Variants in CLTC observed in about 807,000 individuals in gnomAD.
CLTC encodes clathrin heavy chain.
In CLTC, 16 loss-of-function variants were observed where a neutral mutation model predicts 195.8. The ratio of observed to expected loss-of-function variants is 0.08; its 90% CI spans 0.06 to 0.12. CLTC has a LOEUF of 0.12. Among genes scored for constraint, CLTC ranks in the 10% least tolerant of loss-of-function variants. The pLI is 1.00. For synonymous variants in CLTC, 667 were observed against 689.4 expected, an observed-to-expected ratio of 0.97 and a Z score of 0.51; for missense variants, 796 against 2,027.0, an observed-to-expected ratio of 0.39 and a Z score of 11.66.
At chr17:59,645,954 C>A in intron 2 of CLTC, 1 of 636,852 alleles carries the variant, frequency 1.6e-6, no homozygotes, top group Non-Finnish European at 2.0e-6. Context: ...TGCCAAAATT[C>A]TTTTCTATTT....
intron 5 of CLTC, among the ~76,000 whole-genome samples, chr17:59,653,081 C>T (rs1296227488): frequency 6.6e-6 from 1 of 152,140 alleles, no homozygotes; most frequent in African/African-American, 2.4e-5. Flanking sequence ...TGAGCCTTCA[C>T]AGAATTGAGG....
In CLTC at chr17:59,666,939, C is replaced by T; in HGVS notation, c.2090C>T (p.Ser697Phe). 1 of 1,613,388 alleles carries T rather than the reference C, an allele frequency of 6.2e-7. No homozygotes were observed. Among genetic ancestry groups the T allele is most frequent in the African/African-American group, 1.3e-5 (1 of 74,946 alleles). The change falls in exon 13 of 32, where the codon TCT (serine) becomes TTT (phenylalanine). Residue 697 changes from serine to phenylalanine, a missense_variant. Physicochemically the swap from Ser to Phe is radical, Grantham distance 155. Coordinates refer to ENST00000269122, the MANE Select transcript of CLTC (RefSeq NM_004859.4). The surrounding 1 kb of genome is among the most constrained non-coding windows in gnomAD (Gnocchi z 4.9). ...TATCATGAACAACTGTCAACTCAGT[C>T]TCTGATTGAACTTTTTGAATCTTTC... Reference protein sequence around the residue: ...SKYHEQLSTQSLIELFESFKS... With the variant: ...SKYHEQLSTQFLIELFESFKS...
intron 1 of CLTC, among the ~76,000 whole-genome samples, chr17:59,629,008 TAAA>T (rs970988767): frequency 6.6e-6 from 1 of 151,822 alleles, no homozygotes; most frequent in Non-Finnish European, 1.5e-5. Flanking sequence ...AAAGGTGGCT[TAAA>T]AAAAACCACC....
At chr17:59,659,747 C>G (rs1330377355) in intron 6 of CLTC, among the ~76,000 whole-genome samples, 1 of 152,056 alleles carries the variant, frequency 6.6e-6, no homozygotes, top group Admixed American at 6.6e-5. Flanking sequence ...TGCACCCGGC[C>G]TATTTTTTCA....
intron 2 of CLTC, among the ~76,000 whole-genome samples, chr17:59,644,987 T>G (rs2032152059): frequency 6.6e-6 from 1 of 152,266 alleles, no homozygotes; most frequent in Non-Finnish European, 1.5e-5. Flanking sequence ...TTACTTGGAA[T>G]GTATCTGTGG....
rs368644963 is a variant in CLTC, at chr17:59,666,667, A to C, written c.1947+23A>C. ...GAGGTATTTCAGTTTCTTACCTAATAGATGGTGTTAGTTGTGATTAATAGG... is the reference window on the plus strand; with the variant it reads ...GAGGTATTTCAGTTTCTTACCTAATCGATGGTGTTAGTTGTGATTAATAGG... On this transcript the variant is annotated intron_variant, in intron 12 of 31. Coordinates refer to ENST00000269122, the MANE Select transcript of CLTC (RefSeq NM_004859.4). This position sits in a 1 kb window ranked among gnomAD's most constrained non-coding sequence, Gnocchi z 4.9. The C allele has an allele frequency of 7.5e-5, 120 of 1,601,166 alleles. No individual in the cohort carries two copies. The highest frequency in any genetic ancestry group is 1.4e-4 in the South Asian group (13 of 90,008).
chr17:59,664,408 C>A (rs1307979974), intron 9 of CLTC, among the ~76,000 whole-genome samples: 1 of 151,820 alleles, frequency 6.6e-6, no homozygotes, highest in Non-Finnish European at 1.5e-5. Flanking sequence ...AAAAAAGTAG[C>A]CAGGCGTGGT....
intron 1 of CLTC, among the ~76,000 whole-genome samples, chr17:59,623,358 G>A (rs1418306560): frequency 4.6e-5 from 7 of 152,096 alleles, no homozygotes; most frequent in African/African-American, 1.7e-4. Flanking sequence ...CAGTCTCCTG[G>A]GAATAGCTTC....
intron 1 of CLTC, among the ~76,000 whole-genome samples, chr17:59,635,702 C>T (rs2031840174): frequency 6.6e-6 from 1 of 152,164 alleles, no homozygotes; most frequent in South Asian, 2.1e-4. Flanking sequence ...ATTAATAGGA[C>T]CATGGCCTCT....
chr17:59,654,075 G>A (rs1033707327), intron 5 of CLTC, among the ~76,000 whole-genome samples: 1 of 151,928 alleles, frequency 6.6e-6, no homozygotes, highest in Non-Finnish European at 1.5e-5. Context: ...GCCCAGCCCA[G>A]GCTGGTCTTA....
rs141382345 is a variant in CLTC, at chr17:59,634,966, G to A, written c.43-9310G>A. Among the ~76,000 whole-genome samples the A allele has an allele frequency of 2.6e-3, 402 of 152,294 alleles. 6 individuals are homozygous for A. The highest frequency in any genetic ancestry group is 9.3e-3 in the African/African-American group (385 of 41,548). ...AGAGGATGTTTAGGAGCTTTTAAAGGAAATTATGTTTAGTGAAATACTTGG... is the reference window on the plus strand; with the variant it reads ...AGAGGATGTTTAGGAGCTTTTAAAGAAAATTATGTTTAGTGAAATACTTGG... On this transcript the variant is annotated intron_variant, in intron 1 of 31. Coordinates refer to ENST00000269122, the MANE Select transcript of CLTC (RefSeq NM_004859.4).
rs200153124 is a variant in CLTC at position 59,695,834 on chromosome 17, G to GA, written c.*1992dup. On this transcript the variant is annotated 3_prime_UTR_variant, in exon 32 of 32. Transcript: ENST00000269122. The stretch of plus-strand genomic sequence containing the variant: ...CCCTCAGTGCAAATATCAACACAGA[G>GA]AAAAAAAAAATAATAATAGTATTAT... The GA allele has an allele frequency of 2.6e-4, 24 of 91,694 alleles. No individual in the cohort carries two copies. The highest frequency in any genetic ancestry group is 2.8e-3 in the Middle Eastern group (1 of 354). 5.7% of individuals were successfully genotyped at this position (91,694 alleles called of 1,614,324 possible).
intron 1 of CLTC, among the ~76,000 whole-genome samples, chr17:59,620,420 C>G (rs1339133858): frequency 6.6e-6 from 1 of 152,158 alleles, no homozygotes; most frequent in East Asian, 1.9e-4. Context: ...AAAGGCCTCT[C>G]GATCTTGCTT....
chr17:59,693,639 TGGA>T (rs1247045193), intron 31 of CLTC, 86 bp from the exon 32 acceptor site: 3 of 1,402,848 alleles, frequency 2.1e-6, no homozygotes, highest in Non-Finnish European at 2.8e-6. Flanking sequence ...GTTGCTAGAG[TGGA>T]GGAGATTGGA....
At position 59,693,770 on chromosome 17, in the gene CLTC, T is replaced by G. The variant is rs201832071; in HGVS notation, c.4946T>G (p.Val1649Gly). 1 of 1,613,646 alleles carries G rather than the reference T, an allele frequency of 6.2e-7. No individual in the cohort carries two copies. The highest frequency in any genetic ancestry group is 8.5e-7 in the Non-Finnish European group (1 of 1,179,816). ...LMLTAGPSVA[V>G]PPQAPFGYGY... The stretch of plus-strand genomic sequence containing the variant: ...CTGACAGCAGGACCCAGTGTTGCCG[T>G]CCCTCCCCAGGCACCTTTTGGTTAT... The change falls in exon 32 of 32, where the codon GTC (valine) becomes GGC (glycine). Residue 1649 changes from valine to glycine, a missense_variant. Physicochemically the swap from Val to Gly is moderately radical, Grantham distance 109 (BLOSUM62 -3). Around this residue, in one of 9 missense-constraint regions of CLTC, gnomAD observed 148 missense variants for 279.5 expected, o/e 0.53. Coordinates refer to ENST00000269122, the MANE Select transcript of CLTC (RefSeq NM_004859.4).
At chr17:59,624,870 A>G (rs1400813510) in intron 1 of CLTC, among the ~76,000 whole-genome samples, 9 of 152,160 alleles carry the variant, frequency 5.9e-5, no homozygotes, top group African/African-American at 1.2e-4. Flanking sequence ...GAGTCTTGCT[A>G]TATTGCTCAG....
chr17:59,682,093 A>G lies in CLTC; in HGVS notation c.3443-178A>G, dbSNP rs928363495. Among the ~76,000 whole-genome samples the G allele has an allele frequency of 1.3e-5, 2 of 152,240 alleles. No individual in the cohort carries two copies. Among genetic ancestry groups the G allele is most frequent in the African/African-American group, 4.8e-5 (2 of 41,474 alleles). ...TGCTCTAATCTTAAAACTTTAAGGA[A>G]AAAGAATTCATCTATTCATTTGGTC... On this transcript the variant is annotated intron_variant, in intron 21 of 31. Coordinates refer to ENST00000269122, the MANE Select transcript of CLTC (RefSeq NM_004859.4). This position sits in a 1 kb window ranked among gnomAD's most constrained non-coding sequence, Gnocchi z 6.8.
intron 15 of CLTC, among the ~76,000 whole-genome samples, chr17:59,674,189 T>C (rs1297452137): frequency 2.0e-5 from 3 of 151,912 alleles, no homozygotes; most frequent in African/African-American, 7.2e-5. Context: ...AATATAAGAA[T>C]AGAACTGCTA....
chr17:59,680,426 A>G (rs1455889221), intron 18 of CLTC, among the ~76,000 whole-genome samples: 1 of 152,220 alleles, frequency 6.6e-6, no homozygotes, highest in African/African-American at 2.4e-5. Flanking sequence ...TATTTTGGAA[A>G]CGAATAGGTT....
Sources: gnomAD v4.1 joint callset for allele counts (sites outside exome capture counted in the v4.1 genomes callset) on GRCh38, gnomAD v4.1.1 for gene constraint, gnomAD v4.1.1 regional missense constraint, Gnocchi (gnomAD v3.1) non-coding constraint, MANE v1.5 for transcripts, NCBI Gene and HGNC (gene_info 2026-07-23, HGNC 2026-07-21) for gene names.